WDR47: variants seen among roughly 807,000 people sequenced by gnomAD.
The protein encoded by WDR47 is WD repeat-containing protein 47.
A neutral mutation model predicts 97.2 loss-of-function variants in WDR47; 32 were observed. The ratio of observed to expected loss-of-function variants is 0.33; its 90% CI spans 0.25 to 0.44. The LOEUF is 0.44. Ranked by LOEUF, WDR47 falls within the 20% of genes least tolerant of loss-of-function variation. WDR47 has a pLI of 1.00. For synonymous variants in WDR47, 375 were observed against 373.5 expected (o/e 1.00, Z -0.05); for missense variants, 782 against 1,102.3 (o/e 0.71, Z 4.11).
chr1:108,982,013 A>C (rs1033430960), intron 12 of WDR47, 149 bp from the exon 13 acceptor site: 2 of 791,580 alleles, frequency 2.5e-6, no homozygotes, highest in East Asian at 6.2e-5. Context: ...GCTGGAGCCC[A>C]GGAGTTCGAG....
intron 1 of WDR47, chr1:109,041,590 T>C (rs1663369023): frequency 6.6e-6 from 1 of 152,198 alleles, no homozygotes; most frequent in African/African-American, 2.4e-5. Context: ...ACTGGTAATG[T>C]GGGAAAGGTG....
intron 12 of WDR47, 48 bp downstream of exon 12, chr1:108,982,561 A>G: frequency 1.9e-6 from 3 of 1,542,142 alleles, no homozygotes; most frequent in Middle Eastern, 1.8e-4. Context: ...AAAAAAAAGC[A>G]CAGATTGAAC....
chr1:109,011,713 T>C lies in WDR47; in HGVS notation c.333A>G (p.Glu111=), dbSNP rs1337872185. The part of the protein sequence containing the change: ...MSAEDEPQHL[E]FTMQEAVQCL... ...ATTGCACAGCTTCTTGCATGGTAAA[T>C]TCCAGCTGTAAGAAAAATATAAATG... The change falls in exon 5 of 15, where the codon GAA becomes GAG. Residue 111 remains glutamate (E), a synonymous_variant. Transcript: ENST00000369962. 2 of 1,574,354 alleles carry C rather than the reference T, an allele frequency of 1.3e-6. No homozygotes were observed. Among genetic ancestry groups the C allele is most frequent in the Non-Finnish European group, 1.7e-6 (2 of 1,160,648 alleles).
intron 1 of WDR47, chr1:109,030,161 C>T: frequency 7.3e-7 from 1 of 1,363,602 alleles, no homozygotes; most frequent in South Asian, 1.3e-5. Context: ...ATTCCTACTT[C>T]ATGGGTGTGA....
At chr1:109,025,621 C>T (rs888250141) in intron 1 of WDR47, among the ~76,000 whole-genome samples, 1 of 150,614 alleles carries the variant, frequency 6.6e-6, no homozygotes, top group African/African-American at 2.5e-5. Context: ...GTAATCCCAG[C>T]TACTTGGGAG....
intron 7 of WDR47, among the ~76,000 whole-genome samples, chr1:109,000,787 T>C (rs1660127470): frequency 1.3e-5 from 2 of 151,808 alleles, no homozygotes; most frequent in South Asian, 4.2e-4. Context: ...ACACTCAGAG[T>C]TGTCAAGCAG....
chr1:109,004,341 T>G (rs1351844473), intron 6 of WDR47, among the ~76,000 whole-genome samples: 1 of 151,972 alleles, frequency 6.6e-6, no homozygotes, highest in Admixed American at 6.6e-5. Context: ...ATGTAAAACA[T>G]GCAATGTCAC....
intron 1 of WDR47, among the ~76,000 whole-genome samples, chr1:109,035,598 A>C (rs1418933042): frequency 6.7e-6 from 1 of 148,864 alleles, no homozygotes; most frequent in Non-Finnish European, 1.5e-5. Flanking sequence ...CCTGGGCTCT[A>C]GTGATTCTCC....
chr1:109,004,840 G>T, intron 5 of WDR47, 125 bp from the exon 6 acceptor site: 1 of 1,184,508 alleles, frequency 8.4e-7, no homozygotes, highest in African/African-American at 1.6e-5. Context: ...CTGTAGCCCC[G>T]ACTGGAGTGA....
intron 2 of WDR47, among the ~76,000 whole-genome samples, chr1:109,019,377 T>G (rs1170158266): frequency 7.7e-6 from 1 of 129,986 alleles, no homozygotes; most frequent in Non-Finnish European, 1.6e-5. Flanking sequence ...AGTGAGACTC[T>G]GTCTCAAAAA....
intron 13 of WDR47, among the ~76,000 whole-genome samples, chr1:108,978,887 T>A (rs1017361115): frequency 2.6e-5 from 4 of 152,114 alleles, no homozygotes; most frequent in Non-Finnish European, 5.9e-5. Context: ...CACATTAGAA[T>A]AAGTTAAAGA....
Position 109,002,367 on chromosome 1 carries a change from A to G in WDR47, c.1290T>C (p.Tyr430=), listed in dbSNP as rs377122071. The G allele has an allele frequency of 1.7e-5, 28 of 1,608,054 alleles. No homozygotes were observed. The highest frequency in any genetic ancestry group is 2.4e-5 in the Non-Finnish European group (28 of 1,178,664). Residue 430 remains tyrosine, a synonymous_variant, in exon 7 of 15, where the codon TAT becomes TAC. Transcript: ENST00000369962. The part of the protein sequence containing the change: ...RDSTEQFQEY[Y]RQRLRYQQHL... Reference sequence around the variant, plus strand: ...GCTGTTGATAGCGTAATCTTTGCCTATAATATTCTTGAAATTGTTCTGTTG... The same window carrying G: ...GCTGTTGATAGCGTAATCTTTGCCTGTAATATTCTTGAAATTGTTCTGTTG...
chr1:108,981,696 T>G, intron 13 of WDR47, 37 bp downstream of exon 13: 3 of 1,570,332 alleles, frequency 1.9e-6, no homozygotes, highest in Non-Finnish European at 2.6e-6. Flanking sequence ...ATTTACAAAG[T>G]TTTTTTCCCA....
intron 3 of WDR47, among the ~76,000 whole-genome samples, chr1:109,016,784 A>G (rs1253103979): frequency 6.6e-6 from 1 of 150,878 alleles, no homozygotes; most frequent in Non-Finnish European, 1.5e-5. Flanking sequence ...ATAATTAGAT[A>G]TAGTTAAAAA....
chr1:109,024,408 G>A (rs567143853), intron 1 of WDR47, among the ~76,000 whole-genome samples: 88 of 151,998 alleles, frequency 5.8e-4, no homozygotes, highest in African/African-American at 1.9e-3. Context: ...AGCAAAGATC[G>A]TGCCACTGCA....
chr1:109,020,881 A>G (rs906012848), intron 2 of WDR47, among the ~76,000 whole-genome samples: 2 of 106,352 alleles, frequency 1.9e-5, no homozygotes, highest in African/African-American at 3.4e-5. Context: ...AGCTAGGAAC[A>G]CTTCATTTTT....
intron 4 of WDR47, among the ~76,000 whole-genome samples, chr1:109,012,185 T>C (rs1474713355): frequency 1.3e-5 from 2 of 152,160 alleles, no homozygotes; most frequent in African/African-American, 4.8e-5. Flanking sequence ...CAATGTTCAA[T>C]TGTTTATAAA....
At chr1:108,987,447 C>G (rs937064488) in intron 9 of WDR47, among the ~76,000 whole-genome samples, 1 of 151,866 alleles carries the variant, frequency 6.6e-6, no homozygotes, top group African/African-American at 2.4e-5. Flanking sequence ...AGCCACCGCA[C>G]CAGCCAATTG....
chr1:109,006,301 G>A (rs759929288), intron 5 of WDR47, among the ~76,000 whole-genome samples: 3 of 152,162 alleles, frequency 2.0e-5, no homozygotes, highest in Non-Finnish European at 4.4e-5. Context: ...GCTGAGGCAG[G>A]AGAATCACTT....
Sources: gnomAD v4.1 joint callset for allele counts (sites outside exome capture counted in the v4.1 genomes callset) on GRCh38, gnomAD v4.1.1 for gene constraint, MANE v1.5 for transcripts, NCBI Gene and HGNC (gene_info 2026-07-23, HGNC 2026-07-21) for gene names.